Variants in SLC12A8 observed in about 807,000 individuals in gnomAD.
SLC12A8 encodes the protein solute carrier family 12 member 8.
A neutral mutation model predicts 75.6 loss-of-function variants in SLC12A8; 69 were observed. The ratio of observed to expected loss-of-function variants is 0.91; its 90% confidence interval spans 0.75 to 1.11. SLC12A8 has a LOEUF of 1.11. SLC12A8 is among the 50% of genes most tolerant of loss of function. The pLI, the probability that SLC12A8 is intolerant of heterozygous loss-of-function variation, is 0.00. For synonymous variants in SLC12A8, 365 were observed against 372.8 expected (o/e 0.98, Z 0.24); for missense variants, 877 against 896.7 (o/e 0.98, Z 0.28).
intron 2 of SLC12A8, among the ~76,000 whole-genome samples, chr3:125,201,892 A>C (rs1002094485): frequency 6.8e-6 from 1 of 146,890 alleles, no homozygotes; most frequent in Non-Finnish European, 1.5e-5. Flanking sequence ...ATTATACTGA[A>C]GTATGTGTAT....
At position 125,130,770 on chromosome 3, in the gene SLC12A8, GCTCAC is replaced by G. The variant is rs1350064687; in HGVS notation, c.736+4894_736+4898del. 1.1e-3 allele frequency among the ~76,000 whole-genome samples: 163 copies of G among 152,264 alleles called. 1 individual carries two copies. Among genetic ancestry groups the G allele is most frequent in the African/African-American group, 3.3e-3 (139 of 41,560 alleles). On this transcript the variant is annotated intron_variant, in intron 6 of 13. Transcript: ENST00000469902. Reference sequence around the variant, plus strand: ...CCTGGAGGGAGAAGCTGGAGGGGAGGCTCACCGCCCCCTTCCCCCACTCACACCAG... The same window carrying G: ...CCTGGAGGGAGAAGCTGGAGGGGAGGCGCCCCCTTCCCCCACTCACACCAG...
intron 8 of SLC12A8, among the ~76,000 whole-genome samples, chr3:125,112,349 C>G (rs1448451229): frequency 6.6e-6 from 1 of 152,210 alleles, no homozygotes; most frequent in Non-Finnish European, 1.5e-5. Context: ...TTTATTACTA[C>G]AGGAAATCAA....
chr3:125,201,030 T>C (rs543376811), intron 2 of SLC12A8, among the ~76,000 whole-genome samples: 1 of 152,272 alleles, frequency 6.6e-6, no homozygotes, highest in East Asian at 1.9e-4. Flanking sequence ...CACAGGTGAG[T>C]GGTTTTTACC....
At chr3:125,180,057 T>G (rs1934623761) in intron 4 of SLC12A8, among the ~76,000 whole-genome samples, 1 of 152,198 alleles carries the variant, frequency 6.6e-6, no homozygotes, top group Non-Finnish European at 1.5e-5. Context: ...GTAGAACAAT[T>G]TGCTCACGCA....
chr3:125,181,988 A>T (rs894515523), intron 4 of SLC12A8, among the ~76,000 whole-genome samples: 1 of 152,140 alleles, frequency 6.6e-6, no homozygotes, highest in Non-Finnish European at 1.5e-5. Context: ...GGAGTTCAAG[A>T]CCAGCCTGGG....
chr3:125,105,274 C>T (rs913916037), intron 10 of SLC12A8, among the ~76,000 whole-genome samples: 5 of 152,068 alleles, frequency 3.3e-5, no homozygotes, highest in African/African-American at 1.2e-4. Context: ...AAAAGCATGA[C>T]TTTGGTAAGA....
chr3:125,120,847 T>G, intron 6 of SLC12A8, 161 bp from the exon 7 acceptor site: 1 of 709,874 alleles, frequency 1.4e-6, no homozygotes, highest in East Asian at 2.7e-5. Flanking sequence ...CAATCTCCCC[T>G]GGCAACTAGG....
intron 5 of SLC12A8, among the ~76,000 whole-genome samples, chr3:125,138,150 C>T (rs1181178942): frequency 3.9e-5 from 6 of 152,154 alleles, no homozygotes; most frequent in Admixed American, 3.9e-4. Context: ...GCCTGTAATC[C>T]CAGCACTTTG....
intron 6 of SLC12A8, among the ~76,000 whole-genome samples, chr3:125,131,419 C>T (rs890077728): frequency 5.9e-5 from 9 of 152,110 alleles, no homozygotes; most frequent in African/African-American, 9.7e-5. Context: ...CAGAGTCTTG[C>T]TCTGTCACCC....
chr3:125,185,523 C>G (rs2107793089), intron 4 of SLC12A8, among the ~76,000 whole-genome samples: 1 of 151,994 alleles, frequency 6.6e-6, no homozygotes, highest in East Asian at 1.9e-4. Context: ...GGCTTCATGG[C>G]AAAATTCTAC....
chr3:125,149,056 G>A (rs972013854), intron 5 of SLC12A8, among the ~76,000 whole-genome samples: 1 of 152,140 alleles, frequency 6.6e-6, no homozygotes, highest in African/African-American at 2.4e-5. Context: ...GGGCTGAGGC[G>A]GGCGAGGCTC....
chr3:125,166,387 A>C (rs1934290255), intron 5 of SLC12A8, among the ~76,000 whole-genome samples: 1 of 152,132 alleles, frequency 6.6e-6, no homozygotes, highest in Non-Finnish European at 1.5e-5. Flanking sequence ...CAGCCTCTCA[A>C]GTGAGTCCTG....
intron 4 of SLC12A8, among the ~76,000 whole-genome samples, chr3:125,183,834 C>T (rs1031090281): frequency 6.6e-6 from 1 of 152,022 alleles, no homozygotes; most frequent in African/African-American, 2.4e-5. Context: ...TGTAGTCCAT[C>T]GTCTCCTCCC....
chr3:125,112,467 C>T (rs1214430002), intron 8 of SLC12A8, among the ~76,000 whole-genome samples: 1 of 152,166 alleles, frequency 6.6e-6, no homozygotes, highest in Non-Finnish European at 1.5e-5. Context: ...GCACCCTGAG[C>T]ACCTCACAGG....
At chr3:125,089,182 T>C (rs908620572) in intron 12 of SLC12A8, among the ~76,000 whole-genome samples, 2 of 152,200 alleles carry the variant, frequency 1.3e-5, no homozygotes, top group Non-Finnish European at 1.5e-5. Context: ...TCCACAAATA[T>C]CAACAGTATG....
At chr3:125,098,412 C>CTT (rs1248652881) in intron 10 of SLC12A8, among the ~76,000 whole-genome samples, 1 of 152,140 alleles carries the variant, frequency 6.6e-6, no homozygotes, top group Non-Finnish European at 1.5e-5. Context: ...CCTTGATAAA[C>CTT]AGTTCCCTCA....
At chr3:125,085,005 T>C (rs561175899) in intron 13 of SLC12A8, among the ~76,000 whole-genome samples, 1 of 152,376 alleles carries the variant, frequency 6.6e-6, no homozygotes, top group East Asian at 1.9e-4. Flanking sequence ...TATTGATCTG[T>C]GGAACTTAAA....
intron 5 of SLC12A8, among the ~76,000 whole-genome samples, chr3:125,138,504 G>C (rs959511230): frequency 4.6e-5 from 7 of 152,094 alleles, no homozygotes; most frequent in African/African-American, 1.7e-4. Flanking sequence ...AGAGTTTTTA[G>C]TATAAGAGAA....
In SLC12A8 at chr3:125,166,730, A is replaced by G. The variant is rs956496728; in HGVS notation, c.622+11013T>C. 1.4e-4 allele frequency among the ~76,000 whole-genome samples: 21 copies of G among 152,244 alleles called. 1 individual carries two copies. Among genetic ancestry groups the G allele is most frequent in the Non-Finnish European group, 1.3e-4 (9 of 68,042 alleles). ...GTTAAAATGAATGAAATGCCATGAC[A>G]TGCATTAACATGGATAAATTGCGAA... On this transcript the variant is annotated intron_variant, in intron 5 of 13. Coordinates refer to ENST00000469902, the MANE Select transcript of SLC12A8 (RefSeq NM_024628.6).
Sources: gnomAD v4.1 joint callset for allele counts (sites outside exome capture counted in the v4.1 genomes callset) on GRCh38, gnomAD v4.1.1 for gene constraint, MANE v1.5 for transcripts, NCBI Gene and HGNC (gene_info 2026-07-23, HGNC 2026-07-21) for gene names.